SPECC1: variants seen among roughly 807,000 people sequenced by gnomAD.
SPECC1 encodes sperm antigen with calponin homology and coiled-coil domains 1, also known as cytospin-B.
SPECC1 carries 62 observed loss-of-function variants against 104.1 expected under a neutral mutation model. The observed-to-expected ratio is 0.60, with a 90% confidence interval of 0.49 to 0.74. The LOEUF (loss-of-function observed/expected upper bound fraction) is 0.74, where lower values mean the gene tolerates loss of function less well. SPECC1 is among the 30% of genes least tolerant of loss of function. The pLI, the probability that SPECC1 is intolerant of heterozygous loss-of-function variation, is 0.00. For synonymous variants in SPECC1, 513 were observed against 501.6 expected (o/e 1.02, Z -0.30); for missense variants, 1,306 against 1,310.5 (o/e 1.00, Z 0.05).
At chr17:20,115,336 G>A (rs778825262) in intron 3 of SPECC1, among the ~76,000 whole-genome samples, 17 of 152,104 alleles carry the variant, frequency 1.1e-4, no homozygotes, top group Non-Finnish European at 2.2e-4. Context: ...AGCTGGGCGC[G>A]GTGGCGGGTG....
Position 20,297,053 on chromosome 17 carries a change from C to A in SPECC1, c.3033C>A (p.Tyr1011Ter), listed in dbSNP as rs2041377687. Residue 1011 changes from tyrosine to a stop codon, truncating the protein, a stop_gained, in exon 13 of 15, where the codon TAC becomes TAA. Coordinates refer to ENST00000395527, the MANE Select transcript of SPECC1 (RefSeq NM_001243439.2). LOFTEE classifies it high-confidence loss of function. ...LHTYLPAHIP[Y>*]QELNSQEKKR... is the part of the protein sequence containing the mutation. ...CCTACCTGCCTGCCCACATCCCCTA[C>A]CAGGAGCTGAATAGTCAGGAGAAAG... 6.2e-7 allele frequency: 1 copy of A among 1,614,126 alleles called. No homozygotes were observed. Among genetic ancestry groups the A allele is most frequent in the Admixed American group, 1.7e-5 (1 of 60,008 alleles).
intron 3 of SPECC1, among the ~76,000 whole-genome samples, chr17:20,188,019 A>G (rs1329675800): frequency 6.6e-6 from 1 of 152,190 alleles, no homozygotes; most frequent in African/African-American, 2.4e-5. Context: ...TCAGCCTCAT[A>G]TAAGGAAGGA....
In SPECC1 at chr17:20,115,546, A is replaced by G. The variant is rs190321727; in HGVS notation, c.283+4984A>G. Reference sequence around the variant, plus strand: ...ATATTAGTGCATAGGATTCAACAATAAATTAAAAGAACAGTAGTGTACATC... The same window carrying G: ...ATATTAGTGCATAGGATTCAACAATGAATTAAAAGAACAGTAGTGTACATC... On this transcript the variant is annotated intron_variant, in intron 3 of 14. Transcript: ENST00000395527. 2.0e-5 allele frequency among the ~76,000 whole-genome samples: 3 copies of G among 152,284 alleles called. No homozygotes were observed. In the East Asian group the frequency reaches 5.8e-4, roughly 29 times the overall value.
At chr17:20,044,604 AAGCAC>A (rs1422412035) in intron 1 of SPECC1, among the ~76,000 whole-genome samples, 2 of 152,208 alleles carry the variant, frequency 1.3e-5, no homozygotes, top group Admixed American at 1.3e-4. Context: ...GATGTATTAT[AAGCAC>A]AGAACTTGGC....
intron 3 of SPECC1, among the ~76,000 whole-genome samples, chr17:20,166,629 A>T (rs2033670964): frequency 6.6e-6 from 1 of 152,218 alleles, no homozygotes; most frequent in African/African-American, 2.4e-5. Context: ...CACAAAGGAC[A>T]TTCAAAAGAA....
chr17:20,200,713 G>A (rs1161541654), intron 3 of SPECC1, among the ~76,000 whole-genome samples: 1 of 152,182 alleles, frequency 6.6e-6, no homozygotes, highest in Non-Finnish European at 1.5e-5. Flanking sequence ...TACCCACGAG[G>A]AGGTGTGTTT....
chr17:20,037,061 A>ATG (rs1186917248), intron 1 of SPECC1, among the ~76,000 whole-genome samples: 1 of 152,080 alleles, frequency 6.6e-6, no homozygotes, highest in African/African-American at 2.4e-5. Flanking sequence ...GCATTGATTG[A>ATG]TGTGATTATG....
At chr17:20,111,862 G>T in intron 3 of SPECC1, 1 of 826,548 alleles carries the variant, frequency 1.2e-6, no homozygotes, top group Non-Finnish European at 2.2e-6. Context: ...GCAGCCCCAA[G>T]AAGGGAAAGG....
chr17:20,149,035 T>C (rs2031741157), intron 3 of SPECC1, among the ~76,000 whole-genome samples: 1 of 138,958 alleles, frequency 7.2e-6, no homozygotes, highest in Non-Finnish European at 1.5e-5. Flanking sequence ...CGGATTACAT[T>C]CTTAACATAT....
At chr17:20,219,588 G>A (rs77092312) in intron 4 of SPECC1, among the ~76,000 whole-genome samples, 2,050 of 152,200 alleles carry the variant, frequency 0.013, 41 homozygotes, top group East Asian at 0.083. Flanking sequence ...TTCCTTATCG[G>A]ATGGGTAGTT....
chr17:20,178,763 A>G (rs2034652593), intron 3 of SPECC1, among the ~76,000 whole-genome samples: 1 of 152,254 alleles, frequency 6.6e-6, no homozygotes. Flanking sequence ...TTAGAAGGGG[A>G]CAAAGTAACA....
intron 1 of SPECC1, among the ~76,000 whole-genome samples, chr17:20,082,877 T>G (rs1375164107): frequency 6.6e-6 from 1 of 151,996 alleles, no homozygotes; most frequent in Non-Finnish European, 1.5e-5. Flanking sequence ...GATGCCACTT[T>G]CCCCTCCAGC....
intron 1 of SPECC1, among the ~76,000 whole-genome samples, chr17:20,093,637 G>A (rs2047500962): frequency 1.3e-5 from 2 of 152,106 alleles, no homozygotes; most frequent in East Asian, 1.9e-4. Context: ...GGGCCTAGGG[G>A]TGCACCTGCT....
At chr17:20,083,460 T>C (rs573183831) in intron 1 of SPECC1, among the ~76,000 whole-genome samples, 20 of 152,332 alleles carry the variant, frequency 1.3e-4, no homozygotes, top group Admixed American at 4.6e-4. Flanking sequence ...GACTTAAAGA[T>C]GGGTAAGATT....
chr17:20,228,482 G>A (rs1280425757), intron 5 of SPECC1, among the ~76,000 whole-genome samples: 1 of 152,204 alleles, frequency 6.6e-6, no homozygotes, highest in African/African-American at 2.4e-5. Flanking sequence ...AGTTCACAGG[G>A]ACCCTTCCTA....
chr17:20,076,155 T>C (rs552993095), intron 1 of SPECC1, among the ~76,000 whole-genome samples: 2 of 152,336 alleles, frequency 1.3e-5, no homozygotes, highest in South Asian at 4.1e-4. Context: ...TACAACTAGA[T>C]ATTATAGCAT....
intron 1 of SPECC1, among the ~76,000 whole-genome samples, chr17:20,034,917 T>C (rs963558443): frequency 1.3e-5 from 2 of 152,150 alleles, no homozygotes; most frequent in African/African-American, 4.8e-5. Context: ...TTTCTAAATG[T>C]TTTATAGATG....
chr17:20,157,152 A>G (rs1367106432), intron 3 of SPECC1, among the ~76,000 whole-genome samples: 1 of 152,204 alleles, frequency 6.6e-6, no homozygotes, highest in African/African-American at 2.4e-5. Flanking sequence ...GCCGTGCTGT[A>G]GGACGCTGGG....
intron 1 of SPECC1, among the ~76,000 whole-genome samples, chr17:20,012,377 GT>G (rs2043973866): frequency 6.6e-6 from 1 of 151,684 alleles, no homozygotes; most frequent in South Asian, 2.1e-4. Context: ...TCTTGTAGGG[GT>G]TTTTGTACTA....
Sources: gnomAD v4.1 joint callset for allele counts (sites outside exome capture counted in the v4.1 genomes callset) on GRCh38, gnomAD v4.1.1 for gene constraint, MANE v1.5 for transcripts, NCBI Gene and HGNC (gene_info 2026-07-23, HGNC 2026-07-21) for gene names.